SYNE2: variants seen among roughly 807,000 people sequenced by gnomAD.
SYNE2 encodes the protein spectrin repeat containing nuclear envelope protein 2.
In SYNE2, 431 loss-of-function variants were observed where a neutral mutation model predicts 856.3. That is an observed-to-expected ratio of 0.50 (90% CI 0.47 to 0.55). The LOEUF is 0.55. SYNE2 is among the 20% of genes least tolerant of loss of function. The pLI, the probability that SYNE2 is intolerant of heterozygous loss-of-function variation, is 0.00. For missense variants in SYNE2, 8,129 were observed against 8,023.2 expected (o/e 1.01, Z -0.50); for synonymous variants, 2,923 against 2,872.3 (o/e 1.02, Z -0.56).
chr14:63,835,543 A>G (rs1889822063), intron 1 of SYNE2, among the ~76,000 whole-genome samples: 1 of 147,122 alleles, frequency 6.8e-6, no homozygotes, highest in Admixed American at 7.1e-5. Flanking sequence ...TTACGTATGT[A>G]CATATCTTAA....
intron 96 of SYNE2, among the ~76,000 whole-genome samples, chr14:64,179,405 T>C (rs113409136): frequency 0.028 from 4,204 of 152,294 alleles, 126 homozygotes; most frequent in East Asian, 0.12. Flanking sequence ...CCTCCCAAAG[T>C]GCTGGGATTA....
At chr14:63,900,423 C>G (rs2095321216) in intron 1 of SYNE2, among the ~76,000 whole-genome samples, 1 of 152,090 alleles carries the variant, frequency 6.6e-6, no homozygotes, top group African/African-American at 2.4e-5. Flanking sequence ...ACATGGATGG[C>G]AGCAGGCAAA....
intron 1 of SYNE2, among the ~76,000 whole-genome samples, chr14:63,890,541 T>G (rs1034018877): frequency 6.6e-6 from 1 of 152,112 alleles, no homozygotes; most frequent in Non-Finnish European, 1.5e-5. Context: ...GATTCCAGTT[T>G]CCATGGCTTG....
At chr14:63,923,317 G>A (rs953511585) in intron 2 of SYNE2, among the ~76,000 whole-genome samples, 6 of 152,208 alleles carry the variant, frequency 3.9e-5, no homozygotes, top group Non-Finnish European at 5.9e-5. Flanking sequence ...AGACTGTCAG[G>A]TGTTTACACA....
At chr14:64,151,031 A>G (rs1188287687) in intron 84 of SYNE2, among the ~76,000 whole-genome samples, 1 of 152,188 alleles carries the variant, frequency 6.6e-6, no homozygotes, top group Non-Finnish European at 1.5e-5. Flanking sequence ...CTATATATTC[A>G]TGTGGCTCTA....
In SYNE2 at chr14:63,983,850, A is replaced by T; in HGVS notation, c.2115A>T (p.Ser705=). ...CTGTTGAGTTTTCAACAGATATGTC[A>T]GTAGAACTTCCTGAAAATTATAATC... The part of the protein sequence containing the change: ...KATVEFSTDM[S]VELPENYNQN... The change falls in exon 18 of 116, where the codon TCA becomes TCT. Residue 705 remains serine (S), a synonymous_variant. Coordinates refer to ENST00000555002, the MANE Select transcript of SYNE2 (RefSeq NM_182914.3). 6.3e-7 allele frequency: 1 copy of T among 1,584,348 alleles called. No individual in the cohort carries two copies. The highest frequency in any genetic ancestry group is 8.7e-7 in the Non-Finnish European group (1 of 1,155,270).
chr14:64,190,992 G>C lies in SYNE2; in HGVS notation c.18038+755G>C, dbSNP rs764514107. ...GTCACTTGGCCTTGGGACCACTTGT[G>C]CAGCTGTGCTTCCACTGGCCACACG... On this transcript the variant is annotated intron_variant, in intron 99 of 115. Coordinates refer to ENST00000555002, the MANE Select transcript of SYNE2 (RefSeq NM_182914.3). 1.3e-5 allele frequency: 9 copies of C among 702,306 alleles called. 1 individual carries two copies. The South Asian group carries it at 1.3e-4, about 10-fold the overall frequency. The allele number at this position is 702,306 out of a possible 1,614,324, so 43.5% of individuals were successfully genotyped here. A position where few individuals can be genotyped will look rare whatever the true frequency, so the allele number is the denominator to read the frequency against.
intron 6 of SYNE2, among the ~76,000 whole-genome samples, chr14:63,945,183 A>G (rs1244545596): frequency 6.6e-6 from 1 of 150,972 alleles, no homozygotes; most frequent in Non-Finnish European, 1.5e-5. Context: ...CACAGATAAA[A>G]ATGAACAGGT....
At chr14:63,876,928 C>G (rs775290716) in intron 1 of SYNE2, among the ~76,000 whole-genome samples, 32 of 152,170 alleles carry the variant, frequency 2.1e-4, no homozygotes, top group Admixed American at 1.7e-3. Context: ...CAGCCTGTTA[C>G]TTAGTCCAAC....
At chr14:64,111,028 T>C (rs2097801960) in intron 65 of SYNE2, among the ~76,000 whole-genome samples, 1 of 151,960 alleles carries the variant, frequency 6.6e-6, no homozygotes, top group Non-Finnish European at 1.5e-5. Context: ...ATTAATTTGG[T>C]GAGTTCATGA....
rs930438483 is a variant in SYNE2, at chr14:64,022,923, G to A, written c.5637+60G>A. The A allele has an allele frequency of 4.5e-6, 4 of 892,294 alleles. No homozygotes were observed. In the East Asian group the frequency reaches 1.1e-4, roughly 24 times the overall value. The allele number at this position is 892,294 out of a possible 1,614,324, so 55.3% of individuals were successfully genotyped here. ...TCAATACTAAAATACTGGAGGCATA[G>A]AACTGTATCAAAATAAATAGGGAGG... On this transcript the variant is annotated intron_variant, in intron 38 of 115. Transcript: ENST00000555002.
intron 7 of SYNE2, among the ~76,000 whole-genome samples, chr14:63,954,068 C>T (rs938264963): frequency 1.3e-4 from 20 of 152,148 alleles, no homozygotes; most frequent in Non-Finnish European, 2.1e-4. Context: ...CATGTGCCAA[C>T]GTCCCCAGCC....
chr14:64,185,468 G>C (rs2098483927), intron 96 of SYNE2, among the ~76,000 whole-genome samples: 1 of 149,900 alleles, frequency 6.7e-6, no homozygotes, highest in South Asian at 2.1e-4. Flanking sequence ...GATTTCAGAA[G>C]GTTTCAATTT....
chr14:64,126,285 A>G (rs938088719), intron 71 of SYNE2, 42 bp from the exon 72 acceptor site: 20 of 1,574,954 alleles, frequency 1.3e-5, no homozygotes, highest in Non-Finnish European at 1.7e-5. Flanking sequence ...TAGGAAGGCA[A>G]AGGTATCTTA....
At chr14:63,930,039 C>T (rs2095727341) in intron 2 of SYNE2, among the ~76,000 whole-genome samples, 1 of 152,106 alleles carries the variant, frequency 6.6e-6, no homozygotes, top group South Asian at 2.1e-4. Flanking sequence ...AATCCTAGTG[C>T]TTTGAGAGGC....
chr14:63,830,995 C>T (rs753316436), intron 1 of SYNE2, among the ~76,000 whole-genome samples: 1 of 151,848 alleles, frequency 6.6e-6, no homozygotes, highest in Non-Finnish European at 1.5e-5. Context: ...CACCTGCCAC[C>T]CTGCCCGGCT....
At chr14:63,861,238 G>C (rs1352706462) in intron 1 of SYNE2, among the ~76,000 whole-genome samples, 2 of 150,692 alleles carry the variant, frequency 1.3e-5, no homozygotes, top group Non-Finnish European at 2.9e-5. Context: ...TTCGCCTCCT[G>C]GGTTCAAGCG....
intron 53 of SYNE2, 154 bp from the exon 54 acceptor site, chr14:64,075,791 C>T: frequency 1.4e-6 from 1 of 738,170 alleles, no homozygotes; most frequent in Middle Eastern, 3.8e-4. Context: ...CTGAGTGTCT[C>T]TGGGGCTTAA....
At chr14:63,951,319 TGAGA>T (rs2096154505) in intron 7 of SYNE2, among the ~76,000 whole-genome samples, 1 of 152,028 alleles carries the variant, frequency 6.6e-6, no homozygotes, top group Admixed American at 6.6e-5. Context: ...TTCTTTTTTT[TGAGA>T]GAGAGTTTCG....
Sources: allele counts gnomAD v4.1 joint callset (sites outside exome capture counted in the v4.1 genomes callset), GRCh38; gene constraint gnomAD v4.1.1; transcripts MANE v1.5; gene names NCBI Gene and HGNC (gene_info 2026-07-23, HGNC 2026-07-21).